SLC9A9: variants seen among roughly 807,000 people sequenced by gnomAD.
SLC9A9 encodes solute carrier family 9 member A9, also known as sodium/hydrogen exchanger 9.
A neutral mutation model predicts 77.8 loss-of-function variants in SLC9A9; 62 were observed. That is an observed-to-expected ratio of 0.80 (90% CI 0.65 to 0.98). SLC9A9 has a LOEUF of 0.98. Ranked by LOEUF, SLC9A9 falls within the 50% of genes least tolerant of loss-of-function variation. The pLI, the probability that SLC9A9 is intolerant of heterozygous loss-of-function variation, is 0.00. For missense variants in SLC9A9, 775 were observed against 774.9 expected, an observed-to-expected ratio of 1.00 and a Z score of 0.00; for synonymous variants, 320 against 283.5, an observed-to-expected ratio of 1.13 and a Z score of -1.29.
chr3:143,435,504 C>A (rs1221857445), intron 12 of SLC9A9, among the ~76,000 whole-genome samples: 1 of 152,142 alleles, frequency 6.6e-6, no homozygotes, highest in Non-Finnish European at 1.5e-5. Flanking sequence ...AGTTCTATGG[C>A]AAACTTTACT....
rs186999256 is a variant in SLC9A9, at chr3:143,796,011, C to G, written c.456+815G>C. 6.6e-5 allele frequency among the ~76,000 whole-genome samples: 10 copies of G among 152,200 alleles called. No homozygotes were observed. The East Asian group carries it at 1.9e-3, about 29-fold the overall frequency. ...TGCCTGGCTGCTGAAGATGACTGCT[C>G]AAGAGGAAGAAAGCCCCAGGAATCT... is the stretch of plus-strand genomic sequence containing the variant. On this transcript the variant is annotated intron_variant, in intron 3 of 15. Transcript: ENST00000316549.
intron 4 of SLC9A9, among the ~76,000 whole-genome samples, chr3:143,786,172 T>C (rs2008052346): frequency 6.6e-6 from 1 of 152,154 alleles, no homozygotes; most frequent in African/African-American, 2.4e-5. Context: ...ATTTTTCATT[T>C]AAAAGGAATC....
chr3:143,780,717 G>A (rs1233372144), intron 4 of SLC9A9, among the ~76,000 whole-genome samples: 1 of 152,100 alleles, frequency 6.6e-6, no homozygotes, highest in Non-Finnish European at 1.5e-5. Context: ...CTACAGTGTT[G>A]GGGATGACTG....
chr3:143,627,524 G>T, intron 6 of SLC9A9: 1 of 292,608 alleles, frequency 3.4e-6, no homozygotes, highest in Non-Finnish European at 6.7e-6. Flanking sequence ...GCCACATGCA[G>T]AGGCGGTGAC....
rs752684240 is a variant in SLC9A9, at chr3:143,482,400, G to A, written c.1315+11253C>T. Among the ~76,000 whole-genome samples the A allele has an allele frequency of 2.0e-3, 303 of 152,252 alleles. 3 individuals are homozygous for A. The highest frequency in any genetic ancestry group is 7.4e-4 in the Non-Finnish European group (50 of 68,006). ...CCATGTACTGTGGTGACATTTTACC[G>A]GTTAAAACTTCTCGTAGTTTTTGTG... On this transcript the variant is annotated intron_variant, in intron 11 of 15. Coordinates refer to ENST00000316549, the MANE Select transcript of SLC9A9 (RefSeq NM_173653.4).
intron 8 of SLC9A9, among the ~76,000 whole-genome samples, chr3:143,556,071 T>C (rs1322187910): frequency 6.6e-6 from 1 of 152,236 alleles, no homozygotes; most frequent in Non-Finnish European, 1.5e-5. Context: ...CTATTATCTA[T>C]AAAATTCTCC....
At chr3:143,729,752 ATCT>A (rs1182560772) in intron 4 of SLC9A9, among the ~76,000 whole-genome samples, 1 of 151,998 alleles carries the variant, frequency 6.6e-6, no homozygotes, top group Non-Finnish European at 1.5e-5. Flanking sequence ...CACCTTAGAC[ATCT>A]TCTTCTGGGT....
At position 143,848,432 on chromosome 3, in the gene SLC9A9, C is replaced by T. The variant is rs1296235902; in HGVS notation, c.-110G>A. The T allele has an allele frequency of 1.4e-6, 2 of 1,387,972 alleles. No homozygotes were observed. Among genetic ancestry groups the T allele is most frequent in the East Asian group, 4.6e-5 (2 of 43,028 alleles). 86.0% of individuals were successfully genotyped at this position (1,387,972 alleles called of 1,614,324 possible). A position where few individuals can be genotyped will look rare whatever the true frequency, so the allele number is the denominator to read the frequency against. ...GAGAATTTCAGAAGAAACACTGCCA[C>T]TTTAGTTGCTACTTCACAAGCATTC... On this transcript the variant is annotated 5_prime_UTR_variant, in exon 1 of 16. It adds an upstream start codon to the 5' untranslated region. Coordinates refer to ENST00000316549, the MANE Select transcript of SLC9A9 (RefSeq NM_173653.4).
At chr3:143,281,549 C>T (rs1267123104) in intron 14 of SLC9A9, among the ~76,000 whole-genome samples, 2 of 152,070 alleles carry the variant, frequency 1.3e-5, no homozygotes, top group African/African-American at 2.4e-5. Context: ...CCTCAGGGTC[C>T]CAACTCTTTG....
chr3:143,648,812 T>C (rs2038748213), intron 6 of SLC9A9, among the ~76,000 whole-genome samples: 1 of 152,154 alleles, frequency 6.6e-6, no homozygotes. Context: ...TCTATGAAAG[T>C]TACTAAAATT....
intron 2 of SLC9A9, among the ~76,000 whole-genome samples, chr3:143,824,021 C>T (rs2009238559): frequency 6.6e-6 from 1 of 152,068 alleles, no homozygotes; most frequent in Non-Finnish European, 1.5e-5. Flanking sequence ...ACGCATTTCA[C>T]TGGTGGGTGC....
intron 14 of SLC9A9, among the ~76,000 whole-genome samples, chr3:143,290,843 C>G (rs1046744192): frequency 5.3e-5 from 8 of 152,196 alleles, no homozygotes; most frequent in Admixed American, 4.6e-4. Flanking sequence ...CTGTATCTCC[C>G]AGACTTCATG....
intron 4 of SLC9A9, among the ~76,000 whole-genome samples, chr3:143,701,047 G>A (rs1933785211): frequency 2.0e-5 from 3 of 152,214 alleles, no homozygotes; most frequent in African/African-American, 7.2e-5. Flanking sequence ...TCTTACCTAA[G>A]GCCTTCAAGG....
chr3:143,577,797 T>G (rs1461937432), intron 7 of SLC9A9, among the ~76,000 whole-genome samples: 1 of 152,224 alleles, frequency 6.6e-6, no homozygotes, highest in Non-Finnish European at 1.5e-5. Context: ...TTCCTTCTCC[T>G]TCCCCTGAGG....
intron 6 of SLC9A9, among the ~76,000 whole-genome samples, chr3:143,639,416 G>A (rs1398304015): frequency 6.6e-6 from 1 of 152,136 alleles, no homozygotes; most frequent in Non-Finnish European, 1.5e-5. Flanking sequence ...TACAACAGAG[G>A]GAATGAGAGG....
intron 9 of SLC9A9, among the ~76,000 whole-genome samples, chr3:143,511,998 A>G (rs1226505863): frequency 6.6e-6 from 1 of 152,240 alleles, no homozygotes; most frequent in East Asian, 1.9e-4. Context: ...GTAAAGTCAC[A>G]AAACAGGCAA....
At chr3:143,279,058 C>T (rs1283331344) in intron 14 of SLC9A9, among the ~76,000 whole-genome samples, 1 of 152,082 alleles carries the variant, frequency 6.6e-6, no homozygotes, top group African/African-American at 2.4e-5. Context: ...ATTTTTTTCA[C>T]TGTGTCCCTT....
At chr3:143,629,572 C>T (rs941468526) in intron 6 of SLC9A9, among the ~76,000 whole-genome samples, 67 of 146,640 alleles carry the variant, frequency 4.6e-4, no homozygotes, top group African/African-American at 6.2e-4. Context: ...CGTGTGTGTG[C>T]GTGTGTGTGT....
intron 7 of SLC9A9, 112 bp from the exon 8 acceptor site, chr3:143,574,305 C>G (rs1387395093): frequency 1.1e-6 from 1 of 882,096 alleles, no homozygotes; most frequent in African/African-American, 1.7e-5. Flanking sequence ...AGTAAAAGAA[C>G]TGATATTCAG....
Sources: gnomAD v4.1 joint callset for allele counts (sites outside exome capture counted in the v4.1 genomes callset) on GRCh38, gnomAD v4.1.1 for gene constraint, MANE v1.5 for transcripts, NCBI Gene and HGNC (gene_info 2026-07-23, HGNC 2026-07-21) for gene names.